Variants in PHF21B observed in about 807,000 individuals in gnomAD.
PHF21B encodes the protein PHD finger protein 4.
In PHF21B, 22 loss-of-function variants were observed where a neutral mutation model predicts 62.2. That is an observed-to-expected ratio of 0.35 (90% confidence interval 0.25 to 0.51). The LOEUF (loss-of-function observed/expected upper bound fraction) is 0.51. Among genes scored for constraint, PHF21B ranks in the 20% least tolerant of loss-of-function variants. The probability of loss-of-function intolerance (pLI) is 0.97; values close to 1 mark genes in which losing one functional copy is unlikely to be tolerated. For synonymous variants in PHF21B, 341 were observed against 314.7 expected, an observed-to-expected ratio of 1.08 and a Z score of -0.88; for missense variants, 701 against 707.9, an observed-to-expected ratio of 0.99 and a Z score of 0.11.
rs114463731 is a variant in PHF21B, at chr22:44,957,259, C to T, written c.121-36769G>A. On this transcript the variant is annotated intron_variant, in intron 2 of 12. Transcript: ENST00000313237. ...CACCCAGCCTCAGAGGGTCAGGCAC[C>T]GGACGGTGCACTTTACAACAATTAG... Among the ~76,000 whole-genome samples the T allele has an allele frequency of 4.1e-3, 619 of 152,342 alleles. 6 individuals are homozygous for T. Among genetic ancestry groups the T allele is most frequent in the African/African-American group, 0.015 (606 of 41,582 alleles).
chr22:44,949,562 C>T (rs1569248491), intron 2 of PHF21B, among the ~76,000 whole-genome samples: 1 of 152,124 alleles, frequency 6.6e-6, no homozygotes, highest in African/African-American at 2.4e-5. Context: ...TTGAATACGT[C>T]GCACAAGTCA....
At chr22:44,960,521 T>C (rs761024241) in intron 2 of PHF21B, among the ~76,000 whole-genome samples, 3 of 152,176 alleles carry the variant, frequency 2.0e-5, no homozygotes, top group African/African-American at 7.2e-5. Context: ...GGGCTGCTGG[T>C]TCTTCCCATG....
chr22:44,974,505 G>A (rs11703702), intron 2 of PHF21B, among the ~76,000 whole-genome samples: 29,223 of 151,626 alleles, frequency 0.19, 3,034 homozygotes, highest in African/African-American at 0.25. Context: ...CCAAACAGCC[G>A]ACATACCCAC....
chr22:44,924,636 C>T (rs890279409), intron 2 of PHF21B, among the ~76,000 whole-genome samples: 4 of 152,202 alleles, frequency 2.6e-5, no homozygotes, highest in Non-Finnish European at 5.9e-5. Flanking sequence ...AGGAATAGAG[C>T]CCTCATCAGG....
At position 45,009,564 on chromosome 22, in the gene PHF21B, C is replaced by A; in HGVS notation, c.-15G>T. On this transcript the variant is annotated 5_prime_UTR_variant, in exon 1 of 13. Coordinates refer to ENST00000313237, the MANE Select transcript of PHF21B (RefSeq NM_138415.5). The surrounding 1 kb of genome is among the most constrained non-coding windows in gnomAD (Gnocchi z 5.9). ...TGCAGCTCCATCCCGGCAACTTGGG[C>A]AGCACTTTGCGCTCACTTTGGCCCG... The A allele has an allele frequency of 6.4e-7, 1 of 1,565,898 alleles. No individual in the cohort carries two copies. Among genetic ancestry groups the A allele is most frequent in the Admixed American group, 1.8e-5 (1 of 55,842 alleles).
chr22:44,888,227 G>A lies in PHF21B; in HGVS notation c.1039-106C>T, dbSNP rs905694835. 9 of 1,228,542 alleles carry A rather than the reference G, an allele frequency of 7.3e-6. No homozygotes were observed. In the Admixed American group the frequency reaches 2.0e-4, roughly 28 times the overall value. The allele number at this position is 1,228,542 out of a possible 1,614,324, so 76.1% of individuals were successfully genotyped here. ...AGCTGTGTCTGACCTACATGTGGCCGCTCTTCTGCCAACGTTTCCCAGCAG... is the reference window on the plus strand; with the variant it reads ...AGCTGTGTCTGACCTACATGTGGCCACTCTTCTGCCAACGTTTCCCAGCAG... On this transcript the variant is annotated intron_variant, in intron 9 of 12. Transcript: ENST00000313237.
rs563400055 is a variant in PHF21B at position 44,943,544 on chromosome 22, G to A, written c.121-23054C>T. ...CATCTCCGTCTCCTCGTGGGGACAC[G>A]GGCAGCTGCACGCTTCCTCCAGGCC... is the stretch of plus-strand genomic sequence containing the variant. On this transcript the variant is annotated intron_variant, in intron 2 of 12. Transcript: ENST00000313237. Among the ~76,000 whole-genome samples, 11 of 152,256 alleles carry A rather than the reference G, an allele frequency of 7.2e-5. No individual in the cohort carries two copies. In the South Asian group the frequency reaches 2.1e-3, roughly 29 times the overall value.
chr22:44,992,151 T>C (rs562829837), intron 2 of PHF21B, among the ~76,000 whole-genome samples: 15 of 152,322 alleles, frequency 9.8e-5, no homozygotes, highest in Admixed American at 3.9e-4. Context: ...AGAAATTCAG[T>C]TCTGTGTTAA....
At chr22:44,975,882 T>C (rs1278631022) in intron 2 of PHF21B, among the ~76,000 whole-genome samples, 2 of 152,256 alleles carry the variant, frequency 1.3e-5, no homozygotes, top group Admixed American at 6.5e-5. Flanking sequence ...TTTAAAAATT[T>C]TGGGTTGGGC....
At chr22:44,942,729 GCCA>G (rs1201456998) in intron 2 of PHF21B, among the ~76,000 whole-genome samples, 1 of 152,170 alleles carries the variant, frequency 6.6e-6, no homozygotes, top group African/African-American at 2.4e-5. Flanking sequence ...CTGTCGGGGA[GCCA>G]CGTGGAGGGC....
At chr22:44,892,334 T>C (rs1471267604) in intron 7 of PHF21B, among the ~76,000 whole-genome samples, 1 of 152,084 alleles carries the variant, frequency 6.6e-6, no homozygotes, top group African/African-American at 2.4e-5. Flanking sequence ...CAGGCAGAAG[T>C]AGAGGAAAGG....
At position 44,883,104 on chromosome 22, in the gene PHF21B, G is replaced by A. The variant is rs1305603520; in HGVS notation, c.1578C>T (p.His526=). 1 of 1,611,580 alleles carries A rather than the reference G, an allele frequency of 6.2e-7. No homozygotes were observed. Among genetic ancestry groups the A allele is most frequent in the South Asian group, 1.1e-5 (1 of 90,970 alleles). ...CTCGGGGTCAGTTGTGGCCCTGGGG[G>A]TGCTGGACGGTGGGGTGTGTGGCTG... ...SVAATHPTVQ[H]PQGHN The change falls in exon 13 of 13, where the codon CAC becomes CAT. Residue 526 remains histidine, a synonymous_variant. Transcript: ENST00000313237.
intron 2 of PHF21B, among the ~76,000 whole-genome samples, chr22:44,994,948 GC>G (rs1490621445): frequency 2.6e-5 from 4 of 152,288 alleles, no homozygotes; most frequent in Non-Finnish European, 5.9e-5. Flanking sequence ...TGAACTCACA[GC>G]AGCTCAGGCC....
intron 2 of PHF21B, among the ~76,000 whole-genome samples, chr22:44,936,180 C>G (rs551859958): frequency 8.9e-4 from 135 of 152,338 alleles, no homozygotes; most frequent in African/African-American, 2.9e-3. Context: ...ATGGGCCAAG[C>G]CCCCTCCCGG....
chr22:45,009,630 G>A lies in PHF21B; in HGVS notation c.-81C>T, dbSNP rs1369624325. 7.2e-7 allele frequency: 1 copy of A among 1,393,366 alleles called. No homozygotes were observed. The highest frequency in any genetic ancestry group is 2.9e-5 in the East Asian group (1 of 34,804). The allele number at this position is 1,393,366 out of a possible 1,614,324, so 86.3% of individuals were successfully genotyped here. A position where few individuals can be genotyped will look rare whatever the true frequency, so the allele number is the denominator to read the frequency against. The stretch of plus-strand genomic sequence containing the variant: ...GCGCGGCTCCGCGGGGGCCAGAGCG[G>A]GCGCGGGCGGACGCGGCCTCCGGGC... On this transcript the variant is annotated 5_prime_UTR_variant, in exon 1 of 13. Transcript: ENST00000313237. This position sits in a 1 kb window ranked among gnomAD's most constrained non-coding sequence, Gnocchi z 5.9.
At chr22:44,901,236 G>A (rs1429569883) in intron 5 of PHF21B, among the ~76,000 whole-genome samples, 1 of 152,132 alleles carries the variant, frequency 6.6e-6, no homozygotes, top group African/African-American at 2.4e-5. Flanking sequence ...AGGGACTCTA[G>A]GATGCCCTGA....
At chr22:45,006,860 T>C (rs1240414263) in intron 2 of PHF21B, among the ~76,000 whole-genome samples, 1 of 152,162 alleles carries the variant, frequency 6.6e-6, no homozygotes, top group Non-Finnish European at 1.5e-5. Context: ...GCAGATTTTT[T>C]TTTTTTTTTA....
chr22:44,906,770 C>G (rs560235873), intron 5 of PHF21B, among the ~76,000 whole-genome samples: 2 of 152,326 alleles, frequency 1.3e-5, no homozygotes, highest in African/African-American at 2.4e-5. Context: ...TCCTGCCCCC[C>G]GCTACTGTGC....
chr22:44,996,850 G>GCA (rs980245560), intron 2 of PHF21B, among the ~76,000 whole-genome samples: 3 of 150,832 alleles, frequency 2.0e-5, no homozygotes, highest in Admixed American at 6.6e-5. Flanking sequence ...ACGAACACAT[G>GCA]CACACACACA....
Sources: gnomAD v4.1 joint callset for allele counts (sites outside exome capture counted in the v4.1 genomes callset) on GRCh38, gnomAD v4.1.1 for gene constraint, Gnocchi (gnomAD v3.1) non-coding constraint, MANE v1.5 for transcripts, NCBI Gene and HGNC (gene_info 2026-07-23, HGNC 2026-07-21) for gene names.